Variants in TAF3 observed in about 807,000 individuals in gnomAD.
TAF3 encodes the protein TATA-box binding protein associated factor 3.
A neutral mutation model predicts 80.6 loss-of-function variants in TAF3; 7 were observed. The observed-to-expected ratio is 0.09, with a 90% CI of 0.05 to 0.16. TAF3 has a LOEUF of 0.16. Among genes scored for constraint, TAF3 ranks in the 10% least tolerant of loss-of-function variants. TAF3 has a pLI of 1.00. For synonymous variants in TAF3, 444 were observed against 446.1 expected (o/e 1.00, Z 0.06); for missense variants, 921 against 1,140.2 (o/e 0.81, Z 2.77).
intron 2 of TAF3, among the ~76,000 whole-genome samples, chr10:7,916,228 C>G (rs770057733): frequency 6.6e-6 from 1 of 152,146 alleles, no homozygotes; most frequent in Non-Finnish European, 1.5e-5. Context: ...TACATTATGT[C>G]TTTGTCTGAA....
chr10:8,007,605 T>TAC (rs1328703431), intron 4 of TAF3, among the ~76,000 whole-genome samples: 1 of 109,382 alleles, frequency 9.1e-6, no homozygotes, highest in East Asian at 2.5e-4. Flanking sequence ...TATATATATA[T>TAC]ATATACCTTT....
rs532339632 is a variant in TAF3, at chr10:8,009,157, C to A, written c.2395C>A (p.Pro799Thr). 3.2e-5 allele frequency: 50 copies of A among 1,561,872 alleles called. No homozygotes were observed. Among genetic ancestry groups the A allele is most frequent in the Non-Finnish European group, 4.2e-5 (48 of 1,154,638 alleles). The change falls in exon 5 of 7, where the codon CCC becomes ACC. Residue 799 changes from proline (P) to threonine (T), a missense_variant. This residue lies in a region of TAF3 where 743 missense variants were observed against 821.0 expected (regional missense o/e 0.90). Coordinates refer to ENST00000344293, the MANE Select transcript of TAF3 (RefSeq NM_031923.4). The surrounding 1 kb of genome is among the most constrained non-coding windows in gnomAD (Gnocchi z 4.1). ...QNRPKTPPPAPAPAPGPMLVS... is the reference protein window; with the variant it reads ...QNRPKTPPPATAPAPGPMLVS... ...CAGGCCGAAGACCCCACCGCCGGCC[C>A]CCGCGCCCGCCCCCGGCCCCATGCT...
At chr10:7,949,107 C>G (rs919793507) in intron 2 of TAF3, among the ~76,000 whole-genome samples, 4 of 152,200 alleles carry the variant, frequency 2.6e-5, no homozygotes, top group African/African-American at 9.7e-5. Context: ...TCTTGATGAT[C>G]CTGTGAAGTA....
At chr10:7,992,550 G>A (rs997043464) in intron 4 of TAF3, among the ~76,000 whole-genome samples, 13 of 148,930 alleles carry the variant, frequency 8.7e-5, no homozygotes, top group Non-Finnish European at 1.7e-4. Flanking sequence ...AGTAGAATTT[G>A]AGTAGAGCCC....
chr10:8,009,328 G>T lies in TAF3; in HGVS notation c.2566G>T (p.Val856Leu). The change falls in exon 5 of 7, where the codon GTG becomes TTG. Residue 856 changes from valine to leucine, a missense_variant and splice_region_variant. Val to Leu is a conservative substitution (Grantham distance 32, BLOSUM62 1). Coordinates refer to ENST00000344293, the MANE Select transcript of TAF3 (RefSeq NM_031923.4). The surrounding 1 kb of genome is among the most constrained non-coding windows in gnomAD (Gnocchi z 4.1). ...GGTGACTGAGACGGTCAGCACCTAC[G>T]TGGTGCGTACCTGCCGCCCGCGCGG... ...SVVTETVSTY[V>L]IRDEWGNQIW... is the part of the protein sequence containing the mutation. 6.3e-7 allele frequency: 1 copy of T among 1,592,208 alleles called. No homozygotes were observed. Among genetic ancestry groups the T allele is most frequent in the Non-Finnish European group, 8.5e-7 (1 of 1,170,114 alleles).
chr10:7,923,887 T>A (rs1042701187), intron 2 of TAF3, among the ~76,000 whole-genome samples: 5 of 152,166 alleles, frequency 3.3e-5, no homozygotes, highest in Non-Finnish European at 7.4e-5. Flanking sequence ...AGCTAACATT[T>A]GATATGAAGT....
intron 2 of TAF3, among the ~76,000 whole-genome samples, chr10:7,928,084 T>G (rs1014273516): frequency 2.0e-5 from 3 of 152,182 alleles, no homozygotes. Context: ...AACAAAGGAT[T>G]AAGAGCTCTT....
intron 2 of TAF3, among the ~76,000 whole-genome samples, chr10:7,903,707 T>C (rs1418373656): frequency 1.3e-5 from 2 of 152,308 alleles, no homozygotes; most frequent in South Asian, 2.1e-4. Flanking sequence ...AAGATCAAAG[T>C]GTTGGTCTTC....
chr10:7,914,686 G>A (rs759055843), intron 2 of TAF3, among the ~76,000 whole-genome samples: 5 of 152,096 alleles, frequency 3.3e-5, no homozygotes, highest in Non-Finnish European at 4.4e-5. Context: ...TAGTTTCTTC[G>A]TATACCTTTT....
At chr10:7,917,710 C>T (rs1302851340) in intron 2 of TAF3, among the ~76,000 whole-genome samples, 2 of 152,144 alleles carry the variant, frequency 1.3e-5, no homozygotes, top group Non-Finnish European at 2.9e-5. Context: ...GAAAGCCTAA[C>T]AAGCAGTTGT....
At chr10:7,984,710 C>G (rs1831760235) in intron 4 of TAF3, among the ~76,000 whole-genome samples, 2 of 152,174 alleles carry the variant, frequency 1.3e-5, no homozygotes, top group South Asian at 4.1e-4. Flanking sequence ...GGTCCACGAT[C>G]ACTAATTGAG....
At chr10:7,941,349 A>G (rs1280432732) in intron 2 of TAF3, among the ~76,000 whole-genome samples, 1 of 152,272 alleles carries the variant, frequency 6.6e-6, no homozygotes, top group Non-Finnish European at 1.5e-5. Context: ...TAAAATTTCA[A>G]GAAAGAGGAA....
intron 4 of TAF3, among the ~76,000 whole-genome samples, chr10:7,983,124 G>A (rs1045107948): frequency 5.9e-5 from 9 of 152,164 alleles, no homozygotes; most frequent in South Asian, 2.1e-4. Flanking sequence ...TGGCCTCTGC[G>A]GTGGCAGAGG....
At position 7,818,523 on chromosome 10, in the gene TAF3, T is replaced by G; in HGVS notation, c.-187T>G. The G allele has an allele frequency of 1.9e-6, 1 of 531,964 alleles. No individual in the cohort carries two copies. Among genetic ancestry groups the G allele is most frequent in the Non-Finnish European group, 3.1e-6 (1 of 317,770 alleles). 33.0% of individuals were successfully genotyped at this position (531,964 alleles called of 1,614,324 possible). ...GCCGTCCAGCGGGAGGCGGAGCGAG[T>G]CCAAAATGGCGGCTCTCAGGCTGGC... is the stretch of plus-strand genomic sequence containing the variant. On this transcript the variant is annotated 5_prime_UTR_variant, in exon 1 of 7. Transcript: ENST00000344293.
At chr10:8,014,320 T>C (rs1273099421) in intron 6 of TAF3, among the ~76,000 whole-genome samples, 1 of 152,128 alleles carries the variant, frequency 6.6e-6, no homozygotes, top group Non-Finnish European at 1.5e-5. Context: ...AAATGTCAGA[T>C]ACAAAAAAGA....
Position 7,964,579 on chromosome 10 carries a change from A to C in TAF3, c.1069A>C (p.Ile357Leu), listed in dbSNP as rs769047026. 1 of 1,614,144 alleles carries C rather than the reference A, an allele frequency of 6.2e-7. No individual in the cohort carries two copies. The highest frequency in any genetic ancestry group is 1.7e-5 in the Admixed American group (1 of 60,020). The change falls in exon 3 of 7, where the codon ATC becomes CTC. Residue 357 changes from isoleucine to leucine, a missense_variant. This residue lies in a region of TAF3 where 743 missense variants were observed against 821.0 expected (regional missense o/e 0.90). Coordinates refer to ENST00000344293, the MANE Select transcript of TAF3 (RefSeq NM_031923.4). The surrounding 1 kb of genome is among the most constrained non-coding windows in gnomAD (Gnocchi z 4.1). ...TLSEKISKETIQVKQIQTPPD... is the reference protein window; with the variant it reads ...TLSEKISKETLQVKQIQTPPD... ...CAGTGAAAAAATCAGTAAAGAGACT[A>C]TCCAGGTAAAACAAATACAGACACC...
intron 2 of TAF3, among the ~76,000 whole-genome samples, chr10:7,886,659 C>T (rs1027788062): frequency 1.3e-5 from 2 of 152,182 alleles, no homozygotes; most frequent in South Asian, 2.1e-4. Context: ...CATCATAGCA[C>T]ATAGCTGACA....
chr10:7,995,778 GC>G (rs1261467979), intron 4 of TAF3, among the ~76,000 whole-genome samples: 1 of 152,170 alleles, frequency 6.6e-6, no homozygotes, highest in Non-Finnish European at 1.5e-5. Flanking sequence ...AAAGAGGCAG[GC>G]CACGAGCTTC....
At chr10:7,996,333 G>A (rs1286595350) in intron 4 of TAF3, among the ~76,000 whole-genome samples, 2 of 152,154 alleles carry the variant, frequency 1.3e-5, no homozygotes, top group Non-Finnish European at 2.9e-5. Flanking sequence ...CCACAGTGTA[G>A]CTGGCTGTCC....
Sources: gnomAD v4.1 joint callset for allele counts (sites outside exome capture counted in the v4.1 genomes callset) on GRCh38, gnomAD v4.1.1 for gene constraint, gnomAD v4.1.1 regional missense constraint, Gnocchi (gnomAD v3.1) non-coding constraint, MANE v1.5 for transcripts, NCBI Gene and HGNC (gene_info 2026-07-23, HGNC 2026-07-21) for gene names.